The following MAOA variants were observed in gnomAD, a reference collection of about 807,000 sequenced individuals.
The protein encoded by MAOA is monoamine oxidase A, also known as amine oxidase [flavin-containing] A.
A neutral mutation model predicts 42.0 loss-of-function variants in MAOA; 6 were observed. The ratio of observed to expected loss-of-function variants is 0.14; its 90% CI spans 0.08 to 0.28. MAOA has a LOEUF of 0.28. Ranked by LOEUF, MAOA falls within the 10% of genes least tolerant of loss-of-function variation. The probability of loss-of-function intolerance (pLI) is 1.00; values close to 1 mark genes in which losing one functional copy is unlikely to be tolerated. For missense variants in MAOA, 262 were observed against 422.3 expected (o/e 0.62, Z 3.33); for synonymous variants, 140 against 154.0 (o/e 0.91, Z 0.67).
At chrX:43,732,634 A>G in intron 8 of MAOA, 65 bp from the exon 9 acceptor site, 1 of 723,862 alleles carries the variant, frequency 1.4e-6, no homozygotes, top group East Asian at 3.2e-5. Flanking sequence ...ATATATATTT[A>G]TGTGTGTATG....
chrX:43,743,417 C>A (rs1032919751), intron 12 of MAOA, among the ~76,000 whole-genome samples: 9 of 110,944 alleles, frequency 8.1e-5, no homozygotes, highest in African/African-American at 3.0e-4. Context: ...TGGCTGTTTT[C>A]AAGAAGAGTG....
At chrX:43,698,746 AGATCCT>A (rs2033599615) in intron 3 of MAOA, among the ~76,000 whole-genome samples, 1 of 112,073 alleles carries the variant, frequency 8.9e-6, no homozygotes, top group South Asian at 3.7e-4. Context: ...CTGGTTTAGA[AGATCCT>A]GATTCTTATA....
chrX:43,722,826 C>A (rs776263768), intron 5 of MAOA, among the ~76,000 whole-genome samples: 22 of 111,687 alleles, frequency 2.0e-4, no homozygotes, highest in Non-Finnish European at 7.5e-5. Flanking sequence ...TTAAGTTATA[C>A]GTTTAAATCT....
intron 2 of MAOA, among the ~76,000 whole-genome samples, chrX:43,688,434 C>T (rs966796509): frequency 1.2e-4 from 13 of 112,039 alleles, no homozygotes; most frequent in Non-Finnish European, 1.9e-5. Context: ...GCTCACGCCA[C>T]CATGCCCGGC....
At position 43,728,115 on chromosome X, in the gene MAOA, A is replaced by G; in HGVS notation, c.504-58A>G. On this transcript the variant is annotated intron_variant, in intron 5 of 14. Transcript: ENST00000338702. Reference sequence around the variant, plus strand: ...CACTAAATCGTGTTGTAAAAACATGACATTCTCTGACTCCTGTACATATTG... The same window carrying G: ...CACTAAATCGTGTTGTAAAAACATGGCATTCTCTGACTCCTGTACATATTG... The G allele has an allele frequency of 8.2e-6, 9 of 1,099,371 alleles. No individual in the cohort carries two copies. In the South Asian group the frequency reaches 1.5e-4, roughly 18 times the overall value. The allele number at this position is 1,099,371 out of a possible 1,213,427, so 90.6% of individuals were successfully genotyped here.
intron 12 of MAOA, among the ~76,000 whole-genome samples, chrX:43,743,033 G>A (rs990958055): frequency 9.0e-6 from 1 of 110,909 alleles, no homozygotes; most frequent in Non-Finnish European, 1.9e-5. Flanking sequence ...GAAACCCAGG[G>A]TTCTGGAATT....
chrX:43,722,124 T>C (rs1182817797), intron 5 of MAOA, among the ~76,000 whole-genome samples: 2 of 112,148 alleles, frequency 1.8e-5, no homozygotes, highest in Non-Finnish European at 3.8e-5. Context: ...AAGACTTTGC[T>C]ATTGTTAACA....
In MAOA at chrX:43,712,582, A is replaced by G. The variant is rs1025873153; in HGVS notation, c.412-123A>G. 7.6e-6 allele frequency: 4 copies of G among 525,013 alleles called. No homozygotes were observed. In the East Asian group the frequency reaches 1.1e-4, roughly 14 times the overall value. 43.3% of individuals were successfully genotyped at this position (525,013 alleles called of 1,213,427 possible). ...ACTCCCTGTCTCTATATAGAATTCT[A>G]TGCCAATCACACATTTCAACACAGA... On this transcript the variant is annotated intron_variant, in intron 4 of 14. Transcript: ENST00000338702.
intron 1 of MAOA, among the ~76,000 whole-genome samples, chrX:43,679,332 GAAATCCAT>G (rs2147078963): frequency 9.2e-6 from 1 of 108,841 alleles, no homozygotes; most frequent in Admixed American, 1.0e-4. Flanking sequence ...TATTGGCACT[GAAATCCAT>G]TCATAAAACT....
At chrX:43,673,089 A>G (rs1447454515) in intron 1 of MAOA, among the ~76,000 whole-genome samples, 2 of 110,210 alleles carry the variant, frequency 1.8e-5, no homozygotes, top group Non-Finnish European at 3.8e-5. Context: ...TTGGTTGGTA[A>G]GCTATTGATT....
intron 3 of MAOA, among the ~76,000 whole-genome samples, chrX:43,695,121 C>T (rs1007691886): frequency 9.0e-6 from 1 of 111,690 alleles, no homozygotes; most frequent in Non-Finnish European, 1.9e-5. Flanking sequence ...GCATGCTCTT[C>T]ATTATCCCGA....
At chrX:43,731,500 G>A (rs892349680) in intron 7 of MAOA, 110 bp downstream of exon 7, 33 of 954,171 alleles carry the variant, frequency 3.5e-5, no homozygotes, top group Non-Finnish European at 4.6e-5. Context: ...ACATGTTTCC[G>A]CCTCAGTCTT....
chrX:43,676,706 C>T (rs1286980971), intron 1 of MAOA, among the ~76,000 whole-genome samples: 2 of 110,574 alleles, frequency 1.8e-5, no homozygotes, highest in Non-Finnish European at 3.8e-5. Context: ...GGAGATACAG[C>T]AATAAGCAAA....
At chrX:43,723,581 T>C (rs2033808760) in intron 5 of MAOA, among the ~76,000 whole-genome samples, 1 of 111,835 alleles carries the variant, frequency 8.9e-6, no homozygotes, top group East Asian at 2.8e-4. Context: ...TAAGGAGATT[T>C]TGGGCTGAGA....
At chrX:43,656,564 T>C (rs2147066796) in intron 1 of MAOA, 150 bp downstream of exon 1, 1 of 534,911 alleles carries the variant, frequency 1.9e-6, no homozygotes, top group Admixed American at 2.8e-5. Context: ...GAGGTAGGAG[T>C]GGGGGTTGTG....
chrX:43,674,170 T>C (rs1373320718), intron 1 of MAOA, among the ~76,000 whole-genome samples: 2 of 111,212 alleles, frequency 1.8e-5, no homozygotes, highest in Admixed American at 1.9e-4. Context: ...ATAGCTCTTC[T>C]TGTTGAATTG....
At chrX:43,657,959 C>T (rs753470468) in intron 1 of MAOA, 1 of 734,762 alleles carries the variant, frequency 1.4e-6, no homozygotes, top group Non-Finnish European at 1.6e-6. Context: ...GAAAGCAGCT[C>T]CTGGTGGAGA....
chrX:43,729,557 C>T (rs969190211), intron 6 of MAOA, among the ~76,000 whole-genome samples: 1 of 111,943 alleles, frequency 8.9e-6, no homozygotes, highest in African/African-American at 3.3e-5. Context: ...AGAAAACAGA[C>T]CAGATTATAA....
At chrX:43,709,318 T>A (rs2033682145) in intron 3 of MAOA, among the ~76,000 whole-genome samples, 2 of 112,113 alleles carry the variant, frequency 1.8e-5, no homozygotes, top group African/African-American at 6.5e-5. Context: ...GTTGGCATCT[T>A]TCTGTGAAGA....
Sources: allele counts gnomAD v4.1 joint callset (sites outside exome capture counted in the v4.1 genomes callset), GRCh38; gene constraint gnomAD v4.1.1; transcripts MANE v1.5; gene names NCBI Gene and HGNC (gene_info 2026-07-23, HGNC 2026-07-21).